Variants in PTPRD observed in about 807,000 individuals in gnomAD.
PTPRD encodes receptor-type tyrosine-protein phosphatase delta.
Under a neutral mutation model 214.5 loss-of-function variants are expected in PTPRD, and 34 were observed. That is an observed-to-expected ratio of 0.16 (90% CI 0.12 to 0.21). The LOEUF is 0.21. Ranked by LOEUF, PTPRD falls within the 10% of genes least tolerant of loss-of-function variation. The pLI is 1.00. For missense variants in PTPRD, 2,545 were observed against 2,398.7 expected, an observed-to-expected ratio of 1.06 and a Z score of -1.27; for synonymous variants, 1,128 against 845.7, an observed-to-expected ratio of 1.33 and a Z score of -5.79.
At chr9:8,899,296 T>C (rs183745437) in intron 11 of PTPRD, among the ~76,000 whole-genome samples, 217 of 152,294 alleles carry the variant, frequency 1.4e-3, no homozygotes, top group African/African-American at 5.1e-3. Flanking sequence ...TAGCATGCCC[T>C]CTTTAACAAA....
Position 9,430,023 on chromosome 9 carries a change from T to C in PTPRD, c.-236-32541A>G, listed in dbSNP as rs1212766245. On this transcript the variant is annotated intron_variant, in intron 8 of 45. Transcript: ENST00000381196. ...GGGATGCCCTCTCTCACCACTCCTA[T>C]TCAACATAGTGTTGGAAGTTCTGGC... Among the ~76,000 whole-genome samples, 3 of 152,244 alleles carry C rather than the reference T, an allele frequency of 2.0e-5. No individual in the cohort carries two copies. In the East Asian group the frequency reaches 5.8e-4, roughly 29 times the overall value.
chr9:9,290,977 A>G (rs952280604), intron 9 of PTPRD, among the ~76,000 whole-genome samples: 1 of 151,440 alleles, frequency 6.6e-6, no homozygotes, highest in South Asian at 2.1e-4. Flanking sequence ...GATCTTAGTT[A>G]CCTAAGACCA....
intron 3 of PTPRD, among the ~76,000 whole-genome samples, chr9:10,248,174 C>T (rs553406747): frequency 6.6e-6 from 1 of 152,082 alleles, no homozygotes; most frequent in Admixed American, 6.6e-5. Context: ...ATGTCTTTAT[C>T]AGCAGCGTGG....
chr9:9,370,621 T>C (rs1269765094), intron 9 of PTPRD, among the ~76,000 whole-genome samples: 1 of 151,472 alleles, frequency 6.6e-6, no homozygotes, highest in Non-Finnish European at 1.5e-5. Context: ...CCTGCCTGAT[T>C]GCCCTGGCCA....
intron 11 of PTPRD, among the ~76,000 whole-genome samples, chr9:8,894,396 G>C (rs72704368): frequency 1.7e-5 from 2 of 115,554 alleles, no homozygotes; most frequent in Admixed American, 1.7e-4. Flanking sequence ...GCATGCGACT[G>C]TATGGATAAA....
At chr9:9,206,410 G>A (rs1408841217) in intron 9 of PTPRD, among the ~76,000 whole-genome samples, 1 of 152,258 alleles carries the variant, frequency 6.6e-6, no homozygotes, top group Non-Finnish European at 1.5e-5. Flanking sequence ...AGTTGGGGGA[G>A]GCAAGAGAAA....
intron 11 of PTPRD, among the ~76,000 whole-genome samples, chr9:8,772,136 AAACAACAAC>A (rs149909048): frequency 3.3e-5 from 5 of 151,792 alleles, no homozygotes; most frequent in East Asian, 1.9e-4. Context: ...CTTCCTGAAA[AAACAACAAC>A]AACAACAACA....
chr9:8,497,873 T>A (rs1188141545), intron 25 of PTPRD, among the ~76,000 whole-genome samples: 1 of 152,222 alleles, frequency 6.6e-6, no homozygotes, highest in Non-Finnish European at 1.5e-5. Context: ...GAATTACAGT[T>A]CTGTAATGTA....
chr9:9,529,421 A>T (rs2074974208), intron 8 of PTPRD, among the ~76,000 whole-genome samples: 1 of 152,290 alleles, frequency 6.6e-6, no homozygotes, highest in Admixed American at 6.5e-5. Flanking sequence ...AGTATACAGG[A>T]TCTTATAACT....
intron 12 of PTPRD, among the ~76,000 whole-genome samples, chr9:8,650,829 G>A (rs995665211): frequency 2.6e-5 from 4 of 151,002 alleles, no homozygotes; most frequent in Non-Finnish European, 5.9e-5. Context: ...GAAATTTTAG[G>A]TATGTGTCTA....
chr9:8,547,600 A>G (rs892838545), intron 14 of PTPRD, among the ~76,000 whole-genome samples: 1 of 150,362 alleles, frequency 6.7e-6, no homozygotes. Context: ...CCGTGTTCAC[A>G]CCACCGCACT....
At chr9:10,275,608 T>C (rs572084389) in intron 3 of PTPRD, among the ~76,000 whole-genome samples, 1 of 152,128 alleles carries the variant, frequency 6.6e-6, no homozygotes, top group Non-Finnish European at 1.5e-5. Flanking sequence ...ATTATTGGGA[T>C]AGACTACCAA....
chr9:10,334,745 G>C (rs996206200), intron 3 of PTPRD, among the ~76,000 whole-genome samples: 15 of 151,474 alleles, frequency 9.9e-5, no homozygotes, highest in African/African-American at 3.4e-4. Context: ...ACAAAGAAAA[G>C]TCACTTTTCC....
At chr9:9,010,306 A>G (rs1338172688) in intron 11 of PTPRD, among the ~76,000 whole-genome samples, 1 of 152,216 alleles carries the variant, frequency 6.6e-6, no homozygotes, top group Non-Finnish European at 1.5e-5. Flanking sequence ...TTTTAATACA[A>G]ATGGGACAAC....
chr9:9,174,575 A>C (rs2099923460), intron 10 of PTPRD, among the ~76,000 whole-genome samples: 1 of 152,178 alleles, frequency 6.6e-6, no homozygotes, highest in Non-Finnish European at 1.5e-5. Context: ...CTATCTCAGC[A>C]TTACTGTGGT....
chr9:9,865,743 C>T (rs1214576154), intron 5 of PTPRD, among the ~76,000 whole-genome samples: 1 of 152,170 alleles, frequency 6.6e-6, no homozygotes, highest in African/African-American at 2.4e-5. Flanking sequence ...GAATAGTTCC[C>T]TTACTAAGAA....
chr9:9,675,819 A>G (rs2096917880), intron 7 of PTPRD, among the ~76,000 whole-genome samples: 1 of 152,042 alleles, frequency 6.6e-6, no homozygotes, highest in South Asian at 2.1e-4. Context: ...ACTTTAATAT[A>G]AAAACATCGA....
chr9:9,780,110 G>A (rs2098831342), intron 5 of PTPRD, among the ~76,000 whole-genome samples: 2 of 152,164 alleles, frequency 1.3e-5, no homozygotes, highest in African/African-American at 2.4e-5. Context: ...ATTCTTTGGA[G>A]CAGTATGGAT....
chr9:9,885,542 G>A (rs985481493), intron 5 of PTPRD, among the ~76,000 whole-genome samples: 1 of 152,004 alleles, frequency 6.6e-6, no homozygotes, highest in African/African-American at 2.4e-5. Flanking sequence ...ATTTGAATAT[G>A]TTAAGGATTT....
Sources: gnomAD v4.1 joint callset for allele counts (sites outside exome capture counted in the v4.1 genomes callset) on GRCh38, gnomAD v4.1.1 for gene constraint, MANE v1.5 for transcripts, NCBI Gene and HGNC (gene_info 2026-07-23, HGNC 2026-07-21) for gene names.